Variants in THOC1 observed in about 807,000 individuals in gnomAD.
THOC1 encodes THO complex 1.
In THOC1, 29 loss-of-function variants were observed where a neutral mutation model predicts 97.3. That is an observed-to-expected ratio of 0.30 (90% CI 0.22 to 0.41). The LOEUF is 0.41. Ranked by LOEUF, THOC1 falls within the 10% of genes least tolerant of loss-of-function variation. The pLI is 1.00. For synonymous variants in THOC1, 255 were observed against 257.0 expected (o/e 0.99, Z 0.07); for missense variants, 529 against 761.9 (o/e 0.69, Z 3.60).
intron 12 of THOC1, chr18:225,936 T>G (rs1291865478): frequency 6.5e-6 from 1 of 152,728 alleles, no homozygotes; most frequent in African/African-American, 2.4e-5. Flanking sequence ...CATACATTAT[T>G]CATTGAATTC....
intron 11 of THOC1, among the ~76,000 whole-genome samples, chr18:236,809 G>GTA (rs1396100589): frequency 6.6e-6 from 1 of 152,138 alleles, no homozygotes; most frequent in Non-Finnish European, 1.5e-5. Flanking sequence ...CCCCAGTGAG[G>GTA]TACAGTACAC....
In THOC1 at chr18:229,518, T is replaced by TA. The variant is rs11302172; in HGVS notation, c.919-2618dup. Among the ~76,000 whole-genome samples, 210 of 148,498 alleles carry TA rather than the reference T, an allele frequency of 1.4e-3. 1 individual carries two copies. Among genetic ancestry groups the TA allele is most frequent in the Non-Finnish European group, 2.4e-3 (159 of 67,074 alleles). ...AACATGGTGAAACCCCGTCTCTATT[T>TA]AAAAAAAAAAAAAATTAGCGGGGCG... On this transcript the variant is annotated intron_variant, in intron 11 of 20. Coordinates refer to ENST00000261600, the MANE Select transcript of THOC1 (RefSeq NM_005131.3).
At chr18:241,645 A>T (rs1784272868) in intron 11 of THOC1, among the ~76,000 whole-genome samples, 2 of 152,226 alleles carry the variant, frequency 1.3e-5, no homozygotes, top group Non-Finnish European at 2.9e-5. Flanking sequence ...TAAAGCCTAT[A>T]TCTAATTAGT....
At chr18:251,455 C>CCTTCT (rs1912276705) in intron 9 of THOC1, among the ~76,000 whole-genome samples, 2 of 152,292 alleles carry the variant, frequency 1.3e-5, no homozygotes, top group South Asian at 4.1e-4. Flanking sequence ...TTCCTTAATG[C>CCTTCT]CTTCTCTTTT....
At chr18:233,267 T>A (rs931694232) in intron 11 of THOC1, among the ~76,000 whole-genome samples, 1 of 152,240 alleles carries the variant, frequency 6.6e-6, no homozygotes, top group Non-Finnish European at 1.5e-5. Context: ...TTTTTCCATA[T>A]GGATAATGAA....
chr18:236,377 A>G (rs1355145862), intron 11 of THOC1, among the ~76,000 whole-genome samples: 1 of 110,186 alleles, frequency 9.1e-6, no homozygotes, highest in African/African-American at 3.5e-5. Context: ...TTTTTTTGAG[A>G]CGGAGTCTCG....
At chr18:217,902 ACACAGGAGAGTATGAGC>A (rs1390056906) in intron 18 of THOC1, among the ~76,000 whole-genome samples, 1 of 152,200 alleles carries the variant, frequency 6.6e-6, no homozygotes, top group Non-Finnish European at 1.5e-5. Flanking sequence ...AGGCATGGCC[ACACAGGAGAGTATGAGC>A]CAGACCAAGG....
chr18:267,577 C>T (rs538835876), intron 1 of THOC1, among the ~76,000 whole-genome samples: 1 of 152,326 alleles, frequency 6.6e-6, no homozygotes, highest in Admixed American at 6.5e-5. Flanking sequence ...GGGCGGGAGC[C>T]AGGTCTTTGG....
intron 11 of THOC1, among the ~76,000 whole-genome samples, chr18:240,364 C>A (rs1049937286): frequency 7.9e-5 from 12 of 152,168 alleles, no homozygotes; most frequent in African/African-American, 2.2e-4. Flanking sequence ...TGGCTTGACT[C>A]ACACACAGAG....
chr18:216,413 T>G, intron 19 of THOC1, 73 bp downstream of exon 19: 1 of 1,507,128 alleles, frequency 6.6e-7, no homozygotes, highest in Non-Finnish European at 8.9e-7. Context: ...GTCAGTTTTT[T>G]GCTCACATAG....
Position 254,790 on chromosome 18 carries a change from C to T in THOC1, c.521-435G>A, listed in dbSNP as rs1320009131. 6.6e-6 allele frequency among the ~76,000 whole-genome samples: 1 copy of T among 151,970 alleles called. No individual in the cohort carries two copies. Among genetic ancestry groups the T allele is most frequent in the Non-Finnish European group, 1.5e-5 (1 of 67,984 alleles). On this transcript the variant is annotated intron_variant, in intron 7 of 20. Transcript: ENST00000261600. The surrounding 1 kb of genome is among the most constrained non-coding windows in gnomAD (Gnocchi z 4.1). ...AGATTTGTTTTTGCCACAAACTGTG[C>T]CCATCTAAGATCTAAGACAGTAAAC...
At position 215,567 on chromosome 18, in the gene THOC1, T is replaced by C. The variant is rs961481389; in HGVS notation, c.1603-63A>G. On this transcript the variant is annotated intron_variant, in intron 19 of 20. Coordinates refer to ENST00000261600, the MANE Select transcript of THOC1 (RefSeq NM_005131.3). ...GCCTCTGAAGTAAGGTAACAGGTATTTTGTTTGGATAAGGACGGTTGTGAG... is the reference window on the plus strand; with the variant it reads ...GCCTCTGAAGTAAGGTAACAGGTATCTTGTTTGGATAAGGACGGTTGTGAG... The C allele has an allele frequency of 2.0e-5, 27 of 1,360,964 alleles. No individual in the cohort carries two copies. In the African/African-American group the frequency reaches 2.3e-4, roughly 12 times the overall value. The allele number at this position is 1,360,964 out of a possible 1,614,324, so 84.3% of individuals were successfully genotyped here. A position where few individuals can be genotyped will look rare whatever the true frequency, so the allele number is the denominator to read the frequency against.
At chr18:248,806 AG>A (rs2143260124) in intron 9 of THOC1, among the ~76,000 whole-genome samples, 1 of 152,134 alleles carries the variant, frequency 6.6e-6, no homozygotes, top group South Asian at 2.1e-4. Flanking sequence ...ACTGGAGGGC[AG>A]TGGTGCGATC....
At chr18:248,732 G>A (rs1055672016) in intron 9 of THOC1, among the ~76,000 whole-genome samples, 1 of 151,860 alleles carries the variant, frequency 6.6e-6, no homozygotes, top group Admixed American at 6.6e-5. Flanking sequence ...CAAATCTACA[G>A]TGTCAATACA....
intron 11 of THOC1, chr18:244,532 T>C (rs564074825): frequency 1.3e-5 from 2 of 152,216 alleles, no homozygotes; most frequent in African/African-American, 4.8e-5. Flanking sequence ...TACTGTCTTC[T>C]GGTATTAATG....
At chr18:227,002 T>A in intron 11 of THOC1, 101 bp from the exon 12 acceptor site, 1 of 938,930 alleles carries the variant, frequency 1.1e-6, no homozygotes, top group Non-Finnish European at 1.6e-6. Context: ...AGATTCCAAT[T>A]CAATTTAAAA....
At chr18:250,240 T>C (rs912540259) in intron 9 of THOC1, among the ~76,000 whole-genome samples, 3 of 152,224 alleles carry the variant, frequency 2.0e-5, no homozygotes, top group African/African-American at 7.2e-5. Flanking sequence ...TCCTAGATGC[T>C]GTCCCTTGCT....
chr18:225,113 T>C lies in THOC1; in HGVS notation c.1113A>G (p.Gly371=). The change falls in exon 14 of 21, where the codon GGA becomes GGG. Residue 371 remains glycine, a synonymous_variant. Coordinates refer to ENST00000261600, the MANE Select transcript of THOC1 (RefSeq NM_005131.3). ...CCTCTACCATCTTTGAAAATCTTTC[T>C]CCATCGGGGGGGTTTTCAGATAGTA... ...YQLLSENPPD[G]ERFSKMVEHI... The C allele has an allele frequency of 6.3e-7, 1 of 1,577,654 alleles. No individual in the cohort carries two copies. The highest frequency in any genetic ancestry group is 8.6e-7 in the Non-Finnish European group (1 of 1,159,982).
chr18:248,803 G>A (rs368399378), intron 9 of THOC1, among the ~76,000 whole-genome samples: 1 of 151,532 alleles, frequency 6.6e-6, no homozygotes, highest in Non-Finnish European at 1.5e-5. Flanking sequence ...CAGACTGGAG[G>A]GCAGTGGTGC....
Sources: gnomAD v4.1 joint callset for allele counts (sites outside exome capture counted in the v4.1 genomes callset) on GRCh38, gnomAD v4.1.1 for gene constraint, Gnocchi (gnomAD v3.1) non-coding constraint, MANE v1.5 for transcripts, NCBI Gene and HGNC (gene_info 2026-07-23, HGNC 2026-07-21) for gene names.